Variants in YEATS2 observed in about 807,000 individuals in gnomAD.
YEATS2 encodes the protein YEATS domain containing 2, also known as YEATS domain-containing protein 2.
YEATS2 carries 77 observed loss-of-function variants against 163.2 expected under a neutral mutation model. The ratio of observed to expected loss-of-function variants is 0.47; its 90% CI spans 0.39 to 0.57. The LOEUF is 0.57. YEATS2 is among the 20% of genes least tolerant of loss of function. The pLI is 0.00. For missense variants in YEATS2, 1,549 were observed against 1,729.8 expected (o/e 0.90, Z 1.85); for synonymous variants, 631 against 645.1 (o/e 0.98, Z 0.33).
intron 15 of YEATS2, among the ~76,000 whole-genome samples, chr3:183,771,969 C>T (rs1017278437): frequency 6.6e-6 from 1 of 152,098 alleles, no homozygotes; most frequent in Non-Finnish European, 1.5e-5. Flanking sequence ...ACAAATGCTC[C>T]TCCTGCCTTG....
chr3:183,700,477 C>G (rs1019135634), intron 1 of YEATS2, among the ~76,000 whole-genome samples: 1 of 152,084 alleles, frequency 6.6e-6, no homozygotes, highest in Non-Finnish European at 1.5e-5. Flanking sequence ...TGCCTTTGGT[C>G]CTGCTCTGCT....
chr3:183,761,949 A>G (rs1415551633), intron 14 of YEATS2, 148 bp from the exon 15 acceptor site: 3 of 1,069,710 alleles, frequency 2.8e-6, no homozygotes, highest in East Asian at 2.5e-5. Context: ...AGCAGTATGT[A>G]TATTTACCCT....
intron 6 of YEATS2, among the ~76,000 whole-genome samples, chr3:183,726,580 G>C (rs1717121420): frequency 6.6e-6 from 1 of 152,138 alleles, no homozygotes; most frequent in African/African-American, 2.4e-5. Flanking sequence ...AAATTAATTT[G>C]ATGGAGGAAA....
intron 6 of YEATS2, among the ~76,000 whole-genome samples, chr3:183,726,145 C>A (rs891548286): frequency 6.6e-6 from 1 of 151,624 alleles, no homozygotes; most frequent in Non-Finnish European, 1.5e-5. Flanking sequence ...GGAGTCTCTG[C>A]GTTAGTGTGT....
intron 18 of YEATS2, 77 bp from the exon 19 acceptor site, chr3:183,777,465 G>C (rs1723108725): frequency 6.8e-7 from 1 of 1,476,406 alleles, no homozygotes; most frequent in Non-Finnish European, 9.2e-7. Flanking sequence ...GACGTTACAT[G>C]TGATTTAAGG....
chr3:183,748,463 G>GCTGCTCTCGAACTGCTGA (rs1256898739), intron 9 of YEATS2, among the ~76,000 whole-genome samples: 4 of 152,070 alleles, frequency 2.6e-5, no homozygotes, highest in South Asian at 4.2e-4. Context: ...TGTTGGTCAG[G>GCTGCTCTCGAACTGCTGA]CTGCTCTCGA....
chr3:183,726,703 A>G (rs1464642962), intron 6 of YEATS2, among the ~76,000 whole-genome samples: 1 of 151,944 alleles, frequency 6.6e-6, no homozygotes, highest in Non-Finnish European at 1.5e-5. Flanking sequence ...TCTCTTTGTG[A>G]TTTTTATCAT....
At chr3:183,700,577 T>A (rs1713951626) in intron 1 of YEATS2, among the ~76,000 whole-genome samples, 1 of 151,372 alleles carries the variant, frequency 6.6e-6, no homozygotes, top group Non-Finnish European at 1.5e-5. Context: ...GCAGATTTTT[T>A]CTTTTTCTTT....
intron 7 of YEATS2, among the ~76,000 whole-genome samples, chr3:183,735,120 A>C (rs1718202022): frequency 1.3e-5 from 2 of 152,174 alleles, no homozygotes; most frequent in African/African-American, 4.8e-5. Context: ...TATTCACTAA[A>C]GGTTAGGCCA....
At chr3:183,761,835 T>TG (rs1721386385) in intron 14 of YEATS2, among the ~76,000 whole-genome samples, 1 of 152,218 alleles carries the variant, frequency 6.6e-6, no homozygotes, top group South Asian at 2.1e-4. Flanking sequence ...TCTGCTGTCA[T>TG]TTGCCACAGT....
At chr3:183,786,918 T>C (rs1254210252) in intron 20 of YEATS2, among the ~76,000 whole-genome samples, 1 of 152,214 alleles carries the variant, frequency 6.6e-6, no homozygotes, top group African/African-American at 2.4e-5. Context: ...TTCTCTTGGC[T>C]GTATACCTAG....
Position 183,811,774 on chromosome 3 carries a change from T to A in YEATS2, c.*1191T>A, listed in dbSNP as rs1375340241. On this transcript the variant is annotated 3_prime_UTR_variant, in exon 31 of 31. Coordinates refer to ENST00000305135, the MANE Select transcript of YEATS2 (RefSeq NM_018023.5). ...TGTGGAAGGCAGAACAAAGAATGCA[T>A]GCCCAGTCAGAAATCTGTTCTATTC... The A allele has an allele frequency of 6.6e-6, 1 of 152,204 alleles. No individual in the cohort carries two copies. The highest frequency in any genetic ancestry group is 2.4e-5 in the African/African-American group (1 of 41,460). The allele number at this position is 152,204 out of a possible 1,614,324, so 9.4% of individuals were successfully genotyped here. A position where few individuals can be genotyped will look rare whatever the true frequency, so the allele number is the denominator to read the frequency against.
In YEATS2 at chr3:183,772,381, T is replaced by C. The variant is rs761715159; in HGVS notation, c.2024T>C (p.Leu675Pro). The C allele has an allele frequency of 5.6e-6, 9 of 1,614,238 alleles. No homozygotes were observed. Among genetic ancestry groups the C allele is most frequent in the Non-Finnish European group, 7.6e-6 (9 of 1,180,040 alleles). The change falls in exon 16 of 31, where the codon CTG (leucine) becomes CCG (proline). Residue 675 changes from leucine (L) to proline (P), a missense_variant. Coordinates refer to ENST00000305135, the MANE Select transcript of YEATS2 (RefSeq NM_018023.5). ...GTGGCGATCAGTGGTGGCCAGATCC[T>C]GGTAGCCAAGGCCAGCTCTTCTGTC... ...QAVAISGGQI[L>P]VAKASSSVSK...
intron 16 of YEATS2, 109 bp from the exon 17 acceptor site, chr3:183,773,524 A>G (rs887020179): frequency 3.7e-6 from 4 of 1,075,870 alleles, no homozygotes; most frequent in African/African-American, 1.6e-5. Flanking sequence ...CTTTGAATTT[A>G]TTGCTTGTTA....
At position 183,790,853 on chromosome 3, in the gene YEATS2, T is replaced by G. The variant is rs770533849; in HGVS notation, c.2970T>G (p.Ser990=). The change falls in exon 21 of 31, where the codon TCT becomes TCG. Residue 990 remains serine (S), a synonymous_variant. Coordinates refer to ENST00000305135, the MANE Select transcript of YEATS2 (RefSeq NM_018023.5). ...SSTVSSVTKT[S]GQQQVCVSQA... is the part of the protein sequence containing the mutation. ...CGGTCAGTTCTGTAACGAAAACTTC[T>G]GGGCAGCAGCAAGTGTGTGTGAGCC... 1 of 1,614,190 alleles carries G rather than the reference T, an allele frequency of 6.2e-7. No individual in the cohort carries two copies. The highest frequency in any genetic ancestry group is 8.5e-7 in the Non-Finnish European group (1 of 1,180,036).
At chr3:183,804,726 G>T (rs947531113) in intron 27 of YEATS2, among the ~76,000 whole-genome samples, 2 of 152,188 alleles carry the variant, frequency 1.3e-5, no homozygotes, top group African/African-American at 4.8e-5. Context: ...CGTGGCTCAC[G>T]CCTGTAATCC....
At chr3:183,767,979 GCTTT>G (rs904430983) in intron 15 of YEATS2, among the ~76,000 whole-genome samples, 2 of 152,158 alleles carry the variant, frequency 1.3e-5, no homozygotes, top group African/African-American at 2.4e-5. Flanking sequence ...TAAGTTATTT[GCTTT>G]CTTTGTTTAG....
chr3:183,787,243 C>T (rs952378704), intron 20 of YEATS2, among the ~76,000 whole-genome samples: 5 of 152,164 alleles, frequency 3.3e-5, no homozygotes, highest in South Asian at 4.1e-4. Context: ...TGAGCCACTG[C>T]GCCCGGCCTG....
intron 3 of YEATS2, 112 bp downstream of exon 3, chr3:183,717,860 C>CTT (rs34867307): frequency 0.016 from 4,414 of 276,266 alleles, 2 homozygotes; most frequent in East Asian, 0.026. Context: ...CTCCTCTTTG[C>CTT]TTTTTTTTTT....
Sources: gnomAD v4.1 joint callset for allele counts (sites outside exome capture counted in the v4.1 genomes callset) on GRCh38, gnomAD v4.1.1 for gene constraint, MANE v1.5 for transcripts, NCBI Gene and HGNC (gene_info 2026-07-23, HGNC 2026-07-21) for gene names.